Variants in AOAH observed in about 807,000 individuals in gnomAD.
The protein encoded by AOAH is acyloxyacyl hydrolase, also known as acyloxyacyl hydrolase (neutrophil).
Under a neutral mutation model 92.2 loss-of-function variants are expected in AOAH, and 64 were observed. The ratio of observed to expected loss-of-function variants is 0.69; its 90% CI spans 0.57 to 0.86. AOAH has a LOEUF of 0.86. Among genes scored for constraint, AOAH ranks in the 40% least tolerant of loss-of-function variants. The pLI is 0.00. For synonymous variants in AOAH, 263 were observed against 254.5 expected (o/e 1.03, Z -0.32); for missense variants, 656 against 694.6 (o/e 0.94, Z 0.62).
chr7:36,520,688 A>T (rs987132661), intron 20 of AOAH, among the ~76,000 whole-genome samples: 1 of 145,306 alleles, frequency 6.9e-6, no homozygotes, highest in African/African-American at 2.6e-5. Flanking sequence ...CGGGGCAACA[A>T]GAGTGAAACT....
intron 11 of AOAH, among the ~76,000 whole-genome samples, chr7:36,612,979 T>A (rs1314755793): frequency 1.3e-5 from 2 of 151,498 alleles, no homozygotes; most frequent in African/African-American, 2.5e-5. Context: ...ATTTTGTGAA[T>A]TTTTTTGACA....
intron 18 of AOAH, among the ~76,000 whole-genome samples, chr7:36,531,649 C>CA (rs1247877330): frequency 2.0e-5 from 3 of 152,094 alleles, no homozygotes; most frequent in Non-Finnish European, 4.4e-5. Context: ...CGCCCAGCCT[C>CA]AATAAGTCTT....
At chr7:36,553,050 T>C (rs1038712471) in intron 13 of AOAH, among the ~76,000 whole-genome samples, 3 of 151,510 alleles carry the variant, frequency 2.0e-5, no homozygotes, top group African/African-American at 7.3e-5. Flanking sequence ...ACATCTGCCA[T>C]GCTGGTGCGC....
rs144305708 is a variant in AOAH, at chr7:36,695,446, G to A, written c.128-8652C>T. Among the ~76,000 whole-genome samples the A allele has an allele frequency of 2.3e-3, 356 of 152,174 alleles. 3 individuals are homozygous for A. The highest frequency in any genetic ancestry group is 7.9e-3 in the African/African-American group (329 of 41,530). ...TTGTGTTTCAGGATGTCTGCTAGGC[G>A]TTTTTTACAAATTCTATCTCATTTA... On this transcript the variant is annotated intron_variant, in intron 1 of 20. Coordinates refer to ENST00000617537, the MANE Select transcript of AOAH (RefSeq NM_001637.4).
intron 1 of AOAH, among the ~76,000 whole-genome samples, chr7:36,692,022 G>A (rs1797432065): frequency 6.6e-6 from 1 of 152,214 alleles, no homozygotes; most frequent in South Asian, 2.1e-4. Flanking sequence ...CTGCAGGAGT[G>A]AGCCCCAGGA....
intron 4 of AOAH, among the ~76,000 whole-genome samples, chr7:36,641,968 G>A (rs949795824): frequency 2.6e-5 from 4 of 152,090 alleles, no homozygotes; most frequent in East Asian, 1.9e-4. Flanking sequence ...TGATTTAAGC[G>A]TCTACCCAAA....
intron 1 of AOAH, among the ~76,000 whole-genome samples, chr7:36,695,395 A>C (rs1020371950): frequency 1.3e-5 from 2 of 152,204 alleles, no homozygotes; most frequent in Admixed American, 1.3e-4. Flanking sequence ...AACAACATGA[A>C]ATATGAAAAT....
At chr7:36,537,580 G>A (rs1785157929) in intron 16 of AOAH, among the ~76,000 whole-genome samples, 1 of 150,024 alleles carries the variant, frequency 6.7e-6, no homozygotes, top group Non-Finnish European at 1.5e-5. Flanking sequence ...GGGCAATGGT[G>A]TGATCTCAGC....
intron 9 of AOAH, among the ~76,000 whole-genome samples, chr7:36,620,527 T>C (rs1194287513): frequency 2.0e-5 from 3 of 152,154 alleles, no homozygotes; most frequent in African/African-American, 7.2e-5. Context: ...TTCAAAACAG[T>C]ATAAAGGGAT....
In AOAH at chr7:36,514,524, G is replaced by A. The variant is rs145455591; in HGVS notation, c.1600-1144C>T. On this transcript the variant is annotated intron_variant, in intron 20 of 20. Transcript: ENST00000617537. ...TTTCCCTTTATCCATGATGTTAGCT[G>A]GGTCCATTCTTGGTTGTCCAGTGTC... 1.4e-3 allele frequency: 2,090 copies of A among 1,535,934 alleles called. 26 individuals carry two copies. The African/African-American group carries it at 0.025, about 18-fold the overall frequency.
intron 20 of AOAH, among the ~76,000 whole-genome samples, chr7:36,517,212 TTC>T (rs1554360962): frequency 0.048 from 993 of 20,898 alleles, 24 homozygotes; most frequent in East Asian, 0.11. Flanking sequence ...CTTTCTTTCT[TTC>T]TCTTTCTTTC....
chr7:36,674,098 A>G, intron 2 of AOAH, 89 bp from the exon 3 acceptor site: 1 of 724,154 alleles, frequency 1.4e-6, no homozygotes. Context: ...TAGGAACTGA[A>G]GCTGAGTGAT....
intron 11 of AOAH, among the ~76,000 whole-genome samples, chr7:36,615,437 C>A (rs1456936232): frequency 6.6e-6 from 1 of 152,178 alleles, no homozygotes; most frequent in Non-Finnish European, 1.5e-5. Flanking sequence ...TTGCACTGAG[C>A]CCTGCCAAGT....
intron 2 of AOAH, among the ~76,000 whole-genome samples, chr7:36,686,328 G>A (rs1186553028): frequency 6.6e-6 from 1 of 152,106 alleles, no homozygotes; most frequent in Non-Finnish European, 1.5e-5. Context: ...GTGAATGTTG[G>A]TCAAGTTAAC....
intron 4 of AOAH, among the ~76,000 whole-genome samples, chr7:36,653,262 G>T (rs1286222916): frequency 6.6e-6 from 1 of 152,194 alleles, no homozygotes; most frequent in Non-Finnish European, 1.5e-5. Context: ...ATCTCAGGAA[G>T]TGTCCAATTT....
At chr7:36,673,129 C>T (rs1796027071) in intron 3 of AOAH, among the ~76,000 whole-genome samples, 1 of 151,860 alleles carries the variant, frequency 6.6e-6, no homozygotes, top group South Asian at 2.1e-4. Flanking sequence ...TTTCAGTATT[C>T]AAAGTAACTA....
At chr7:36,641,035 C>T (rs1180237027) in intron 4 of AOAH, among the ~76,000 whole-genome samples, 1 of 152,134 alleles carries the variant, frequency 6.6e-6, no homozygotes, top group African/African-American at 2.4e-5. Flanking sequence ...TCTTAGGGGA[C>T]CTGCAGCTTG....
At chr7:36,559,606 T>G (rs1787107965) in intron 13 of AOAH, among the ~76,000 whole-genome samples, 1 of 152,204 alleles carries the variant, frequency 6.6e-6, no homozygotes, top group Admixed American at 6.5e-5. Context: ...ATTTGGTTTT[T>G]GCTTGTTCAA....
chr7:36,515,502 A>G (rs1394087294), intron 20 of AOAH, among the ~76,000 whole-genome samples: 1 of 96,890 alleles, frequency 1.0e-5, no homozygotes, highest in Admixed American at 1.1e-4. Context: ...ATACATCACA[A>G]ACACACCCCC....
Sources: allele counts gnomAD v4.1 joint callset (sites outside exome capture counted in the v4.1 genomes callset), GRCh38; gene constraint gnomAD v4.1.1; transcripts MANE v1.5; gene names NCBI Gene and HGNC (gene_info 2026-07-23, HGNC 2026-07-21).